The following TSC22D1 variants were observed in gnomAD, a reference collection of about 807,000 sequenced individuals.
TSC22D1 encodes the protein TSC22 domain family protein 1.
A neutral mutation model predicts 74.2 loss-of-function variants in TSC22D1; 9 were observed. That is an observed-to-expected ratio of 0.12 (90% CI 0.07 to 0.21). The LOEUF (loss-of-function observed/expected upper bound fraction) is 0.21. TSC22D1 is among the 10% of genes least tolerant of loss of function. TSC22D1 has a pLI of 1.00. For missense variants in TSC22D1, 1,427 were observed against 1,304.7 expected (o/e 1.09, Z -1.44); for synonymous variants, 586 against 492.5 (o/e 1.19, Z -2.51).
At chr13:44,542,295 G>A (rs1881521235) in intron 1 of TSC22D1, among the ~76,000 whole-genome samples, 2 of 151,940 alleles carry the variant, frequency 1.3e-5, no homozygotes, top group Admixed American at 1.3e-4. Context: ...TCATTTTTAA[G>A]TTTACAGGCC....
chr13:44,522,374 A>C (rs1880358746), intron 1 of TSC22D1, among the ~76,000 whole-genome samples: 2 of 152,234 alleles, frequency 1.3e-5, no homozygotes, highest in Admixed American at 6.5e-5. Context: ...TAAACAGAAA[A>C]GGCATTTTAT....
intron 1 of TSC22D1, among the ~76,000 whole-genome samples, chr13:44,566,439 T>C (rs1439055138): frequency 1.3e-5 from 2 of 152,224 alleles, no homozygotes; most frequent in African/African-American, 4.8e-5. Context: ...ACATTTTTCA[T>C]CACTTCTATG....
At chr13:44,506,532 C>T (rs1595124362) in intron 1 of TSC22D1, among the ~76,000 whole-genome samples, 1 of 152,058 alleles carries the variant, frequency 6.6e-6, no homozygotes. Context: ...GGATGCTGGA[C>T]CTAATACCTA....
chr13:44,482,371 C>T (rs1878217908), intron 1 of TSC22D1, among the ~76,000 whole-genome samples: 1 of 151,980 alleles, frequency 6.6e-6, no homozygotes, highest in Admixed American at 6.6e-5. Flanking sequence ...CCCATCTCTA[C>T]TAAAAATACA....
At chr13:44,563,290 T>A (rs1405215077) in intron 1 of TSC22D1, among the ~76,000 whole-genome samples, 1 of 152,180 alleles carries the variant, frequency 6.6e-6, no homozygotes. Context: ...GGAAAGTGAA[T>A]ACAGTGCTTT....
In TSC22D1 at chr13:44,436,108, A is replaced by AG; in HGVS notation, c.2913-14dup. 1 of 1,608,558 alleles carries AG rather than the reference A, an allele frequency of 6.2e-7. No homozygotes were observed. The highest frequency in any genetic ancestry group is 2.2e-5 in the East Asian group (1 of 44,832). On this transcript the variant is annotated splice_polypyrimidine_tract_variant and intron_variant, in intron 1 of 2. Transcript: ENST00000458659. Reference sequence around the variant, plus strand: ...TGCACCAGAGGAGCTGAAAAAGAGGAGGGAAAAAGGTCATCGATAAATGGA... The same window carrying AG: ...TGCACCAGAGGAGCTGAAAAAGAGGAGGGGAAAAAGGTCATCGATAAATGGA...
In TSC22D1 at chr13:44,498,104, A is replaced by C. The variant is rs149087096; in HGVS notation, c.2913-62009T>G. Among the ~76,000 whole-genome samples the C allele has an allele frequency of 5.0e-3, 760 of 151,954 alleles. 6 individuals carry two copies. Among genetic ancestry groups the C allele is most frequent in the African/African-American group, 0.017 (699 of 41,464 alleles). ...TGATAAAACCAAAAAAAAAACCAAAAAAAAAAATGTCTCCACAAAAATGTC... is the reference window on the plus strand; with the variant it reads ...TGATAAAACCAAAAAAAAAACCAAACAAAAAAATGTCTCCACAAAAATGTC... On this transcript the variant is annotated intron_variant, in intron 1 of 2. Coordinates refer to ENST00000458659, the MANE Select transcript of TSC22D1 (RefSeq NM_183422.4).
chr13:44,574,952 A>C lies in TSC22D1; in HGVS notation c.1123T>G (p.Ser375Ala). The change falls in exon 1 of 3, where the codon TCT (serine) becomes GCT (alanine). Residue 375 changes from serine (S) to alanine (A), a missense_variant. Ser to Ala is a moderately conservative substitution (Grantham distance 99). Transcript: ENST00000458659. ...TTAGGAACACTGCTAACAGCAGCAG[A>C]GGAAGAAATAGTACCATTGCCCATG... is the stretch of plus-strand genomic sequence containing the variant. ...SGMGNGTISSSAAVSSVPNAA... is the reference protein window; with the variant it reads ...SGMGNGTISSAAAVSSVPNAA... 1 of 1,614,112 alleles carries C rather than the reference A, an allele frequency of 6.2e-7. No homozygotes were observed. Among genetic ancestry groups the C allele is most frequent in the South Asian group, 1.1e-5 (1 of 91,086 alleles).
rs1449901578 is a variant in TSC22D1, at chr13:44,434,309, G to A, written c.*317C>T. On this transcript the variant is annotated 3_prime_UTR_variant, in exon 3 of 3. Coordinates refer to ENST00000458659, the MANE Select transcript of TSC22D1 (RefSeq NM_183422.4). ...AACCCTTGGAAGTGAGGGGTAGGGAGCCGGAAGGGATGGAAAGGCACACAG... is the reference window on the plus strand; with the variant it reads ...AACCCTTGGAAGTGAGGGGTAGGGAACCGGAAGGGATGGAAAGGCACACAG... The A allele has an allele frequency of 2.9e-6, 4 of 1,371,606 alleles. No individual in the cohort carries two copies. Among genetic ancestry groups the A allele is most frequent in the African/African-American group, 1.5e-5 (1 of 66,570 alleles). 85.0% of individuals were successfully genotyped at this position (1,371,606 alleles called of 1,614,324 possible).
chr13:44,562,215 T>C (rs1883090773), intron 1 of TSC22D1, among the ~76,000 whole-genome samples: 2 of 152,096 alleles, frequency 1.3e-5, no homozygotes, highest in Non-Finnish European at 2.9e-5. Context: ...CTAATTTCTG[T>C]ATTTTTTTTG....
intron 1 of TSC22D1, among the ~76,000 whole-genome samples, chr13:44,487,193 G>C (rs918389611): frequency 3.3e-5 from 5 of 151,872 alleles, no homozygotes; most frequent in Non-Finnish European, 5.9e-5. Flanking sequence ...AATCAGAAAA[G>C]CATAGTTAAA....
chr13:44,486,278 T>C (rs1878424337), intron 1 of TSC22D1, among the ~76,000 whole-genome samples: 1 of 151,946 alleles, frequency 6.6e-6, no homozygotes, highest in African/African-American at 2.4e-5. Flanking sequence ...GGCATGCAAA[T>C]GCTAAAAGAT....
intron 1 of TSC22D1, among the ~76,000 whole-genome samples, chr13:44,456,254 G>C (rs188017218): frequency 1.3e-5 from 2 of 152,320 alleles, no homozygotes; most frequent in East Asian, 1.9e-4. Context: ...AGACCCGAGC[G>C]GGTTGCTGCT....
chr13:44,487,253 CT>C (rs1878469473), intron 1 of TSC22D1, among the ~76,000 whole-genome samples: 1 of 151,812 alleles, frequency 6.6e-6, no homozygotes, highest in Admixed American at 6.6e-5. Flanking sequence ...AATCCCAGCA[CT>C]TTGGGAGGCC....
At chr13:44,517,774 T>A (rs182086775) in intron 1 of TSC22D1, among the ~76,000 whole-genome samples, 1 of 120,168 alleles carries the variant, frequency 8.3e-6, no homozygotes, top group Non-Finnish European at 1.7e-5. Flanking sequence ...TATATATATA[T>A]ATACACATAT....
Position 44,434,668 on chromosome 13 carries a change from G to T in TSC22D1, c.3180C>A (p.Pro1060=), listed in dbSNP as rs1874377552. 1.2e-6 allele frequency: 2 copies of T among 1,600,846 alleles called. No individual in the cohort carries two copies. The change falls in exon 3 of 3, where the codon CCC becomes CCA. Residue 1060 remains proline (P), a synonymous_variant. Coordinates refer to ENST00000458659, the MANE Select transcript of TSC22D1 (RefSeq NM_183422.4). ...ATTQPQGTTQ[P]PAQPASQGSG... ...AGCCCTGCGATGCTGGCTGGGCGGG[G>T]GGCTGTGTGGTGCCCTGTGGCTGGG...
Position 44,538,005 on chromosome 13 carries a change from C to T in TSC22D1, c.2912+35158G>A. 5.1e-6 allele frequency: 5 copies of T among 985,062 alleles called. No individual in the cohort carries two copies. The South Asian group carries it at 2.4e-4, about 46-fold the overall frequency. The allele number at this position is 985,062 out of a possible 1,614,324, so 61.0% of individuals were successfully genotyped here. ...TTTTGACTGACCAGTTAATAGATAC[C>T]AAAGAAAGAAACAGAAACATTTTGA... On this transcript the variant is annotated intron_variant, in intron 1 of 2. Transcript: ENST00000458659.
In TSC22D1 at chr13:44,574,611, C is replaced by G. The variant is rs1056446826; in HGVS notation, c.1464G>C (p.Glu488Asp). Residue 488 changes from glutamate (E) to aspartate (D), a missense_variant, in exon 1 of 3, where the codon GAG becomes GAC. Around this residue, in one of 3 missense-constraint regions of TSC22D1, gnomAD observed 1,343 missense variants for 1,191.5 expected, o/e 1.13. Coordinates refer to ENST00000458659, the MANE Select transcript of TSC22D1 (RefSeq NM_183422.4). ...GCACCACCACAGTAGGGGCTCCCAT[C>G]TCTCCACTTCCCACACTCTCTGTAT... Reference protein sequence around the residue: ...SHYTESVGSGEMGAPTVVVQQ... With the variant: ...SHYTESVGSGDMGAPTVVVQQ... 1.2e-6 allele frequency: 2 copies of G among 1,613,948 alleles called. No homozygotes were observed. Among genetic ancestry groups the G allele is most frequent in the African/African-American group, 2.7e-5 (2 of 74,888 alleles).
At chr13:44,551,833 C>T (rs535580155) in intron 1 of TSC22D1, among the ~76,000 whole-genome samples, 22 of 151,928 alleles carry the variant, frequency 1.4e-4, no homozygotes, top group African/African-American at 5.3e-4. Context: ...GTCAGGTGTT[C>T]GAGGCTGCAG....
Sources: allele counts gnomAD v4.1 joint callset (sites outside exome capture counted in the v4.1 genomes callset), GRCh38; gene constraint gnomAD v4.1.1; regional missense constraint gnomAD v4.1.1; transcripts MANE v1.5; gene names NCBI Gene and HGNC (gene_info 2026-07-23, HGNC 2026-07-21).